The following POLR3E variants were observed in gnomAD, a reference collection of about 807,000 sequenced individuals.
POLR3E encodes the protein RNA polymerase III subunit E, also known as DNA-directed RNA polymerase III subunit RPC5.
A neutral mutation model predicts 96.6 loss-of-function variants in POLR3E; 41 were observed. That is an observed-to-expected ratio of 0.42 (90% CI 0.33 to 0.55). The LOEUF is 0.55. Ranked by LOEUF, POLR3E falls within the 20% of genes least tolerant of loss-of-function variation. The pLI is 0.06. For missense variants in POLR3E, 849 were observed against 952.1 expected (o/e 0.89, Z 1.43); for synonymous variants, 396 against 383.6 (o/e 1.03, Z -0.38).
intron 2 of POLR3E, 146 bp from the exon 3 acceptor site, chr16:22,305,010 T>G: frequency 1.4e-6 from 1 of 722,702 alleles, no homozygotes; most frequent in Admixed American, 2.0e-5. Context: ...ATCCGCTTGC[T>G]TTTAGCATGA....
chr16:22,317,452 C>T (rs538411356), intron 12 of POLR3E, among the ~76,000 whole-genome samples: 12 of 152,322 alleles, frequency 7.9e-5, no homozygotes, highest in African/African-American at 1.2e-4. Flanking sequence ...CAGGCGGGCT[C>T]GGGTTCCTGT....
intron 9 of POLR3E, 104 bp downstream of exon 9, chr16:22,315,312 C>T: frequency 8.1e-7 from 1 of 1,239,158 alleles, no homozygotes; most frequent in South Asian, 1.4e-5. Context: ...ATTCATGAGT[C>T]ATAGCCACAG....
At chr16:22,328,275 C>T (rs2048652048) in intron 18 of POLR3E, 1 of 542,766 alleles carries the variant, frequency 1.8e-6, no homozygotes, top group African/African-American at 1.9e-5. Flanking sequence ...CATCACACTC[C>T]CCCTCTCGCT....
rs201506303 is a variant in POLR3E, at chr16:22,330,058, GTT to G, written c.1944+1486_1944+1487del. 8.9e-4 allele frequency among the ~76,000 whole-genome samples: 127 copies of G among 142,690 alleles called. 3 individuals are homozygous for G. In the South Asian group the frequency reaches 0.024, roughly 27 times the overall value. The allele number at this position is 142,690 out of a possible 152,430, so 93.6% of individuals were successfully genotyped here. A position where few individuals can be genotyped will look rare whatever the true frequency, so the allele number is the denominator to read the frequency against. ...CTGTAGAGATAGATATGTTACGCCA[GTT>G]TTTTTTTTTTTTTTGAGATAGATAG... On this transcript the variant is annotated intron_variant, in intron 19 of 20. Transcript: ENST00000299853.
At chr16:22,326,895 GCT>G in intron 18 of POLR3E, 1 of 155,374 alleles carries the variant, frequency 6.4e-6, no homozygotes, top group East Asian at 1.9e-4. Context: ...TCAGCGCTGT[GCT>G]CTCAGCACTT....
intron 12 of POLR3E, among the ~76,000 whole-genome samples, chr16:22,317,623 A>G (rs907912936): frequency 6.6e-6 from 1 of 151,040 alleles, no homozygotes; most frequent in African/African-American, 2.4e-5. Context: ...GCAGGCGAAC[A>G]CGGACTAGGG....
rs1338065243 is a variant in POLR3E, at chr16:22,322,592, G to A, written c.987-258G>A. The stretch of plus-strand genomic sequence containing the variant: ...CCCGTGACCTCTCCCTGAATGTGCA[G>A]GGGTCTTAGGATGAGGCTGGTGTGC... On this transcript the variant is annotated intron_variant, in intron 13 of 20. Transcript: ENST00000299853. The surrounding 1 kb of genome is among the most constrained non-coding windows in gnomAD (Gnocchi z 5.2). Among the ~76,000 whole-genome samples, 5 of 152,152 alleles carry A rather than the reference G, an allele frequency of 3.3e-5. No individual in the cohort carries two copies. The highest frequency in any genetic ancestry group is 5.9e-5 in the Non-Finnish European group (4 of 68,014).
rs2141781089 is a variant in POLR3E at position 22,318,507 on chromosome 16, T to C, written c.866-319T>C. ...GCTTGGGTTCACTTCCTGGCTCTGC[T>C]ACTTCCTAGCCAAGAGATCATGGGT... On this transcript the variant is annotated intron_variant, in intron 12 of 20. Coordinates refer to ENST00000299853, the MANE Select transcript of POLR3E (RefSeq NM_018119.4). This position sits in a 1 kb window ranked among gnomAD's most constrained non-coding sequence, Gnocchi z 5.0. Among the ~76,000 whole-genome samples the C allele has an allele frequency of 6.6e-6, 1 of 152,306 alleles. No individual in the cohort carries two copies. Among genetic ancestry groups the C allele is most frequent in the Non-Finnish European group, 1.5e-5 (1 of 68,020 alleles).
rs961956231 is a variant in POLR3E at position 22,334,822 on chromosome 16, T to C, written c.*1122T>C. 3 of 152,182 alleles carry C rather than the reference T, an allele frequency of 2.0e-5. No homozygotes were observed. The highest frequency in any genetic ancestry group is 7.2e-5 in the African/African-American group (3 of 41,438). 9.4% of individuals were successfully genotyped at this position (152,182 alleles called of 1,614,324 possible). A position where few individuals can be genotyped will look rare whatever the true frequency, so the allele number is the denominator to read the frequency against. On this transcript the variant is annotated 3_prime_UTR_variant, in exon 21 of 21. Coordinates refer to ENST00000299853, the MANE Select transcript of POLR3E (RefSeq NM_018119.4). ...ATGGAAAAAATAAGAGTAAGCTAGG[T>C]TGGATGACATGTGAATTTTGGTATC...
At chr16:22,302,676 G>A (rs1249234440) in intron 1 of POLR3E, 4 of 446,960 alleles carry the variant, frequency 8.9e-6, no homozygotes, top group African/African-American at 2.0e-5. Context: ...GCCTTTCCCC[G>A]CAGGTGCAGC....
chr16:22,316,770 G>T lies in POLR3E; in HGVS notation c.728+84G>T, dbSNP rs950608112. 2.5e-5 allele frequency: 30 copies of T among 1,187,378 alleles called. No individual in the cohort carries two copies. The Admixed American group carries it at 2.6e-4, about 10-fold the overall frequency. The allele number at this position is 1,187,378 out of a possible 1,614,324, so 73.6% of individuals were successfully genotyped here. ...TTGGTGTGGATCCTCCCAGAGGACTGTGGCCCCTCCTGTAGCATGAGGGTG... is the reference window on the plus strand; with the variant it reads ...TTGGTGTGGATCCTCCCAGAGGACTTTGGCCCCTCCTGTAGCATGAGGGTG... On this transcript the variant is annotated intron_variant, in intron 10 of 20. Coordinates refer to ENST00000299853, the MANE Select transcript of POLR3E (RefSeq NM_018119.4).
intron 9 of POLR3E, 141 bp from the exon 10 acceptor site, chr16:22,316,460 G>C (rs2048357355): frequency 1.6e-6 from 1 of 641,800 alleles, no homozygotes; most frequent in South Asian, 1.9e-5. Context: ...GGCCACGTCA[G>C]AGGCCTTGGG....
rs917900751 is a variant in POLR3E at position 22,334,684 on chromosome 16, T to C, written c.*984T>C. 6.6e-6 allele frequency: 1 copy of C among 152,300 alleles called. No individual in the cohort carries two copies. 9.4% of individuals were successfully genotyped at this position (152,300 alleles called of 1,614,324 possible). Reference sequence around the variant, plus strand: ...CAACATAAGGTAAAAGTCTTCAAAATCTGGCATTTTACACTTTCCTCAACA... The same window carrying C: ...CAACATAAGGTAAAAGTCTTCAAAACCTGGCATTTTACACTTTCCTCAACA... On this transcript the variant is annotated 3_prime_UTR_variant, in exon 21 of 21. Coordinates refer to ENST00000299853, the MANE Select transcript of POLR3E (RefSeq NM_018119.4).
intron 6 of POLR3E, among the ~76,000 whole-genome samples, chr16:22,311,184 G>C (rs1317582618): frequency 6.6e-6 from 1 of 151,062 alleles, no homozygotes; most frequent in Non-Finnish European, 1.5e-5. Flanking sequence ...GGCCAGGCTG[G>C]TCTCGAACTC....
intron 2 of POLR3E, among the ~76,000 whole-genome samples, chr16:22,304,697 A>G (rs1598236684): frequency 6.6e-6 from 1 of 152,268 alleles, no homozygotes; most frequent in East Asian, 1.9e-4. Flanking sequence ...GAAGAAAGGA[A>G]GTGGAGCCAT....
intron 19 of POLR3E, chr16:22,329,111 A>G: frequency 6.0e-6 from 1 of 165,878 alleles, no homozygotes; most frequent in Non-Finnish European, 1.3e-5. Flanking sequence ...AAAAACATAG[A>G]TTCAGTTCTG....
chr16:22,325,227 G>C lies in POLR3E; in HGVS notation c.1309G>C (p.Val437Leu). The stretch of plus-strand genomic sequence containing the variant: ...CAGACTGGAAAAAGTCTATAATCTT[G>C]TAAAGGAAACCATGCCAAAGAAGCC... ...QAKLEKVYNL[V>L]KETMPKKPDA... The change falls in exon 17 of 21, where the codon GTA (valine) becomes CTA (leucine). Residue 437 changes from valine (V) to leucine (L), a missense_variant. Transcript: ENST00000299853. The C allele has an allele frequency of 6.2e-7, 1 of 1,613,806 alleles. No individual in the cohort carries two copies. The highest frequency in any genetic ancestry group is 8.5e-7 in the Non-Finnish European group (1 of 1,179,702).
rs373788408 is a variant in POLR3E at position 22,314,149 on chromosome 16, G to A, written c.522+21G>A. The A allele has an allele frequency of 7.2e-4, 1,161 of 1,610,546 alleles. 1 individual carries two copies. Among genetic ancestry groups the A allele is most frequent in the Non-Finnish European group, 8.7e-4 (1,021 of 1,177,106 alleles). ...TCACGGTGAGCCCTGGCCCCTGGAG[G>A]AGGAGGGTGCTGCCTGGGCGGCAGC... is the stretch of plus-strand genomic sequence containing the variant. On this transcript the variant is annotated intron_variant, in intron 8 of 20. Coordinates refer to ENST00000299853, the MANE Select transcript of POLR3E (RefSeq NM_018119.4).
At chr16:22,301,324 G>A (rs568755793) in intron 1 of POLR3E, among the ~76,000 whole-genome samples, 1 of 152,322 alleles carries the variant, frequency 6.6e-6, no homozygotes, top group East Asian at 1.9e-4. Context: ...GCTCATGCCT[G>A]TAATCCCAGC....
Sources: gnomAD v4.1 joint callset for allele counts (sites outside exome capture counted in the v4.1 genomes callset) on GRCh38, gnomAD v4.1.1 for gene constraint, Gnocchi (gnomAD v3.1) non-coding constraint, MANE v1.5 for transcripts, NCBI Gene and HGNC (gene_info 2026-07-23, HGNC 2026-07-21) for gene names.